ERBB4: variants seen among roughly 807,000 people sequenced by gnomAD.
ERBB4 encodes erb-b2 receptor tyrosine kinase 4.
ERBB4 carries 42 observed loss-of-function variants against 158.0 expected under a neutral mutation model. The observed-to-expected ratio is 0.27, with a 90% confidence interval of 0.21 to 0.34. ERBB4 has a LOEUF of 0.34. Among genes scored for constraint, ERBB4 ranks in the 10% least tolerant of loss-of-function variants. The probability of loss-of-function intolerance (pLI) is 1.00; values close to 1 mark genes in which losing one functional copy is unlikely to be tolerated. For missense variants in ERBB4, 1,333 were observed against 1,624.1 expected (o/e 0.82, Z 3.08); for synonymous variants, 583 against 558.7 (o/e 1.04, Z -0.61).
At position 211,649,518 on chromosome 2, in the gene ERBB4, C is replaced by T. The variant is rs1418869613; in HGVS notation, c.1946+8236G>A. On this transcript the variant is annotated intron_variant, in intron 16 of 27. Transcript: ENST00000342788. The stretch of plus-strand genomic sequence containing the variant: ...CTATTCTCTCTGGGATTTGAACTCT[C>T]GGATTTCGGGGTCAGAGATTGAACA... Among the ~76,000 whole-genome samples, 4 of 151,766 alleles carry T rather than the reference C, an allele frequency of 2.6e-5. No homozygotes were observed. The South Asian group carries it at 6.2e-4, about 24-fold the overall frequency.
intron 3 of ERBB4, among the ~76,000 whole-genome samples, chr2:211,889,391 C>A (rs10183429): frequency 0.094 from 13,634 of 145,546 alleles, 998 homozygotes; most frequent in South Asian, 0.22. Flanking sequence ...CACCGAAAAC[C>A]CATCTGTACA....
chr2:212,321,330 A>G (rs1464657401), intron 1 of ERBB4, among the ~76,000 whole-genome samples: 1 of 150,580 alleles, frequency 6.6e-6, no homozygotes, highest in Non-Finnish European at 1.5e-5. Context: ...CCTACCAAAT[A>G]CATGTTTTTG....
chr2:211,562,898 A>G (rs932270041), intron 19 of ERBB4, among the ~76,000 whole-genome samples: 1 of 150,132 alleles, frequency 6.7e-6, no homozygotes, highest in African/African-American at 2.5e-5. Flanking sequence ...CAGCCTCCCA[A>G]GTAGCTGGGA....
At chr2:211,952,791 A>G (rs989917202) in intron 2 of ERBB4, among the ~76,000 whole-genome samples, 1 of 152,104 alleles carries the variant, frequency 6.6e-6, no homozygotes, top group African/African-American at 2.4e-5. Context: ...TCTGGCAAAT[A>G]GTAAGTATTT....
At chr2:211,573,331 GATATA>G (rs571149204) in intron 19 of ERBB4, among the ~76,000 whole-genome samples, 5 of 152,072 alleles carry the variant, frequency 3.3e-5, no homozygotes, top group Non-Finnish European at 5.9e-5. Context: ...CCAGAACTGT[GATATA>G]ATATATTTCT....
intron 20 of ERBB4, among the ~76,000 whole-genome samples, chr2:211,532,995 A>C (rs2066542602): frequency 6.8e-6 from 1 of 146,070 alleles, no homozygotes; most frequent in East Asian, 2.0e-4. Flanking sequence ...TCTTTTATTT[A>C]AAATAAAAAT....
At chr2:211,924,509 T>C (rs2079962592) in intron 3 of ERBB4, among the ~76,000 whole-genome samples, 1 of 152,174 alleles carries the variant, frequency 6.6e-6, no homozygotes, top group Non-Finnish European at 1.5e-5. Flanking sequence ...ATAAGTTATT[T>C]GAATAATCTG....
intron 2 of ERBB4, among the ~76,000 whole-genome samples, chr2:211,970,908 C>T (rs2081435215): frequency 6.6e-6 from 1 of 152,040 alleles, no homozygotes; most frequent in Admixed American, 6.6e-5. Context: ...TGTGGATTTG[C>T]TCTTGTCATC....
Position 211,836,513 on chromosome 2 carries a change from A to G in ERBB4, c.422-48354T>C, listed in dbSNP as rs573108130. ...TTTTTATTAGAAGGTAGTCACATAT[A>G]TTGGTACTCTCTGCTTAGTACATAC... On this transcript the variant is annotated intron_variant, in intron 3 of 27. Coordinates refer to ENST00000342788, the MANE Select transcript of ERBB4 (RefSeq NM_005235.3). Among the ~76,000 whole-genome samples the G allele has an allele frequency of 2.6e-5, 4 of 152,232 alleles. No individual in the cohort carries two copies. In the South Asian group the frequency reaches 6.2e-4, roughly 24 times the overall value.
Position 211,665,367 on chromosome 2 carries a change from A to G in ERBB4, c.1827T>C (p.Asp609=), listed in dbSNP as rs749372151. The change falls in exon 15 of 28, where the codon GAT becomes GAC. Residue 609 remains aspartate (D), a synonymous_variant. Transcript: ENST00000342788. ...GGCATGGGTGGCACTCCCGATCTGG[A>G]TCAGCATACTTGAAAATGAAACTGT... The part of the protein sequence containing the change: ...GANSFIFKYA[D]PDRECHPCHP... 9.3e-6 allele frequency: 15 copies of G among 1,614,186 alleles called. No individual in the cohort carries two copies. The South Asian group carries it at 1.6e-4, about 18-fold the overall frequency.
At chr2:211,876,383 A>G (rs1282710070) in intron 3 of ERBB4, among the ~76,000 whole-genome samples, 1 of 152,206 alleles carries the variant, frequency 6.6e-6, no homozygotes, top group Non-Finnish European at 1.5e-5. Context: ...AGGAAGGAGA[A>G]GAATTACACT....
At chr2:211,977,714 A>T (rs2081653985) in intron 2 of ERBB4, among the ~76,000 whole-genome samples, 1 of 150,618 alleles carries the variant, frequency 6.6e-6, no homozygotes, top group Admixed American at 6.6e-5. Flanking sequence ...GGACCAGCTA[A>T]TTTTTTAAAT....
intron 2 of ERBB4, among the ~76,000 whole-genome samples, chr2:212,102,089 T>TA (rs59964055): frequency 0.27 from 32,658 of 119,968 alleles, 6,519 homozygotes; most frequent in African/African-American, 0.56. Context: ...GAAAATTTAT[T>TA]TTATATATAT....
At chr2:211,687,416 C>T (rs2072607483) in intron 12 of ERBB4, among the ~76,000 whole-genome samples, 1 of 152,094 alleles carries the variant, frequency 6.6e-6, no homozygotes, top group Admixed American at 6.5e-5. Context: ...CCTGCCTTCT[C>T]TGACATCACA....
chr2:211,821,233 A>G (rs924883262), intron 3 of ERBB4, among the ~76,000 whole-genome samples: 8 of 151,834 alleles, frequency 5.3e-5, no homozygotes, highest in Admixed American at 2.0e-4. Context: ...AAACCAGCTA[A>G]AAAAGAAAGC....
chr2:212,309,778 A>C (rs537729043), intron 1 of ERBB4, among the ~76,000 whole-genome samples: 1 of 150,496 alleles, frequency 6.6e-6, no homozygotes, highest in Admixed American at 6.6e-5. Context: ...AAGCAATCAG[A>C]GACTTTCAAA....
chr2:211,534,937 A>C (rs1418916404), intron 20 of ERBB4, among the ~76,000 whole-genome samples: 1 of 152,086 alleles, frequency 6.6e-6, no homozygotes, highest in Non-Finnish European at 1.5e-5. Flanking sequence ...CTCACATTTC[A>C]TTTAACAGGC....
At chr2:211,592,571 GACAA>G (rs1348530563) in intron 19 of ERBB4, among the ~76,000 whole-genome samples, 7 of 152,110 alleles carry the variant, frequency 4.6e-5, no homozygotes, top group South Asian at 2.1e-4. Context: ...AAAACTGAAA[GACAA>G]AGAGGATTTC....
chr2:211,510,116 A>T (rs1372148846), intron 20 of ERBB4, among the ~76,000 whole-genome samples: 3 of 152,150 alleles, frequency 2.0e-5, no homozygotes, highest in Non-Finnish European at 4.4e-5. Flanking sequence ...GCATTATACA[A>T]AAAAGATACC....
Sources: gnomAD v4.1 joint callset for allele counts (sites outside exome capture counted in the v4.1 genomes callset) on GRCh38, gnomAD v4.1.1 for gene constraint, MANE v1.5 for transcripts, NCBI Gene and HGNC (gene_info 2026-07-23, HGNC 2026-07-21) for gene names.